Variants in KNTC1 observed in about 807,000 individuals in gnomAD.
KNTC1 encodes the protein kinetochore-associated protein 1.
In KNTC1, 253 loss-of-function variants were observed where a neutral mutation model predicts 314.4. The observed-to-expected ratio is 0.80, with a 90% CI of 0.73 to 0.89. KNTC1 has a LOEUF of 0.89. Ranked by LOEUF, KNTC1 falls within the 40% of genes least tolerant of loss-of-function variation. The probability of loss-of-function intolerance (pLI) is 0.00; values close to 1 mark genes in which losing one functional copy is unlikely to be tolerated. For synonymous variants in KNTC1, 901 were observed against 901.4 expected, an observed-to-expected ratio of 1.00 and a Z score of 0.01; for missense variants, 2,475 against 2,572.9, an observed-to-expected ratio of 0.96 and a Z score of 0.82.
Position 122,584,430 on chromosome 12 carries a change from C to G in KNTC1, c.3416C>G (p.Ala1139Gly). Residue 1139 changes from alanine (A) to glycine (G), a missense_variant, in exon 35 of 64, where the codon GCT becomes GGT. Transcript: ENST00000333479. ...ATGATACATGATCTAGCAAGCCAAG[C>G]TGCCACCATTTGCAGTCCAGGTGAC... is the stretch of plus-strand genomic sequence containing the variant. Reference protein sequence around the residue: ...PSMIHDLASQAATICSPDFLL... With the variant: ...PSMIHDLASQGATICSPDFLL... 3 of 1,609,216 alleles carry G rather than the reference C, an allele frequency of 1.9e-6. No homozygotes were observed. Among genetic ancestry groups the G allele is most frequent in the Non-Finnish European group, 2.5e-6 (3 of 1,177,222 alleles).
intron 26 of KNTC1, among the ~76,000 whole-genome samples, chr12:122,573,617 T>G (rs1208156964): frequency 6.6e-6 from 1 of 152,036 alleles, no homozygotes; most frequent in Non-Finnish European, 1.5e-5. Flanking sequence ...TTTTATATAT[T>G]TTAGGGAGAG....
intron 18 of KNTC1, among the ~76,000 whole-genome samples, chr12:122,559,158 C>T (rs890342789): frequency 1.3e-5 from 2 of 151,666 alleles, no homozygotes; most frequent in Admixed American, 6.6e-5. Flanking sequence ...ACCATTGTGA[C>T]GAACATGGTG....
chr12:122,541,952 T>C, intron 5 of KNTC1, 98 bp from the exon 6 acceptor site: 1 of 1,207,564 alleles, frequency 8.3e-7, no homozygotes, highest in Non-Finnish European at 1.1e-6. Flanking sequence ...GAGGCGGAGG[T>C]TGCAGGGAGC....
At chr12:122,614,796 G>C (rs535535972) in intron 55 of KNTC1, among the ~76,000 whole-genome samples, 195 bp from the exon 56 acceptor site, 16 of 151,792 alleles carry the variant, frequency 1.1e-4, no homozygotes, top group African/African-American at 3.9e-4. Flanking sequence ...CAGGAGAATC[G>C]CTTGAACCCA....
At chr12:122,598,197 A>T (rs1566002255) in intron 44 of KNTC1, among the ~76,000 whole-genome samples, 1 of 152,130 alleles carries the variant, frequency 6.6e-6, no homozygotes, top group African/African-American at 2.4e-5. Context: ...GAAATGTATA[A>T]ATCAAAACAA....
chr12:122,615,572 CT>C, intron 57 of KNTC1, 46 bp downstream of exon 57: 1 of 1,455,032 alleles, frequency 6.9e-7, no homozygotes, highest in East Asian at 2.5e-5. Context: ...AGTCTTTATA[CT>C]TTCTGGCCTT....
chr12:122,594,518 G>T, intron 43 of KNTC1, 133 bp downstream of exon 43: 1 of 605,204 alleles, frequency 1.7e-6, no homozygotes. Flanking sequence ...CCCAAACTGA[G>T]TAAATATGAA....
At chr12:122,615,627 A>T (rs935934819) in intron 57 of KNTC1, 101 bp downstream of exon 57, 6 of 1,164,586 alleles carry the variant, frequency 5.2e-6, no homozygotes, top group Non-Finnish European at 7.0e-6. Flanking sequence ...CTCCTTCTTA[A>T]ATAACAGAAC....
chr12:122,549,673 T>G, intron 12 of KNTC1, 93 bp from the exon 13 acceptor site: 1 of 695,002 alleles, frequency 1.4e-6, no homozygotes, highest in Non-Finnish European at 2.6e-6. Context: ...GCCGCTCCCA[T>G]GTGTTTTAAT....
At position 122,558,930 on chromosome 12, in the gene KNTC1, C is replaced by T. The variant is rs1225707584; in HGVS notation, c.1488+1241C>T. Among the ~76,000 whole-genome samples, 2 of 152,088 alleles carry T rather than the reference C, an allele frequency of 1.3e-5. 1 individual carries two copies. The highest frequency in any genetic ancestry group is 2.9e-5 in the Non-Finnish European group (2 of 68,006). On this transcript the variant is annotated intron_variant, in intron 18 of 63. Transcript: ENST00000333479. ...ATAGTCATTCCCCATTTGCCCCAGT[C>T]CCCCAGCTTCAGGAAACCACTAATT...
intron 46 of KNTC1, 43 bp downstream of exon 46, chr12:122,602,783 A>G (rs1234379809): frequency 1.9e-6 from 3 of 1,611,380 alleles, no homozygotes; most frequent in South Asian, 1.1e-5. Flanking sequence ...TGGATAGCCA[A>G]ATTTTTTTTC....
chr12:122,588,962 A>G (rs561834618), intron 40 of KNTC1, 146 bp downstream of exon 40: 6 of 448,976 alleles, frequency 1.3e-5, no homozygotes, highest in African/African-American at 8.1e-5. Context: ...TAGCTAATCA[A>G]TTATATTTTT....
chr12:122,541,408 G>A (rs189181794), intron 5 of KNTC1, among the ~76,000 whole-genome samples: 8 of 148,020 alleles, frequency 5.4e-5, no homozygotes, highest in African/African-American at 7.5e-5. Flanking sequence ...GAGCAATGAC[G>A]CAATTTCAGC....
chr12:122,561,835 T>A (rs931114365), intron 18 of KNTC1, 86 bp from the exon 19 acceptor site: 32 of 1,100,786 alleles, frequency 2.9e-5, no homozygotes, highest in African/African-American at 9.5e-5. Flanking sequence ...TTTAAAAAAA[T>A]TTTTTGTTAT....
chr12:122,590,705 T>G lies in KNTC1; in HGVS notation c.4098T>G (p.Asp1366Glu). 1.2e-6 allele frequency: 2 copies of G among 1,613,498 alleles called. No homozygotes were observed. The highest frequency in any genetic ancestry group is 1.7e-5 in the Admixed American group (1 of 59,982). The change falls in exon 41 of 64, where the codon GAT becomes GAG. Residue 1366 changes from aspartate to glutamate, a missense_variant. Coordinates refer to ENST00000333479, the MANE Select transcript of KNTC1 (RefSeq NM_014708.6). ...DVFENLWKLI[D>E]KAWQNYDKIL... Reference sequence around the variant, plus strand: ...TTGAAAATCTCTGGAAGCTCATAGATAAAGCATGGCAGAATTACGACAAAA... The same window carrying G: ...TTGAAAATCTCTGGAAGCTCATAGAGAAAGCATGGCAGAATTACGACAAAA...
chr12:122,531,834 C>T (rs1961356043), intron 2 of KNTC1, among the ~76,000 whole-genome samples: 5 of 150,768 alleles, frequency 3.3e-5, no homozygotes, highest in South Asian at 2.1e-4. Context: ...CCCAGGTTCA[C>T]GCCATTCTCC....
chr12:122,551,447 A>C lies in KNTC1; in HGVS notation c.1131-11A>C. ...AAAGACAAGCGCATTTATAGTTAAA[A>C]TTTTTTCTAGATTGTCTGAAGACTC... On this transcript the variant is annotated splice_polypyrimidine_tract_variant and intron_variant, in intron 14 of 63. Transcript: ENST00000333479. The C allele has an allele frequency of 6.4e-7, 1 of 1,573,498 alleles. No homozygotes were observed. Among genetic ancestry groups the C allele is most frequent in the Non-Finnish European group, 8.6e-7 (1 of 1,156,854 alleles).
chr12:122,537,360 A>G (rs1961924008), intron 3 of KNTC1, among the ~76,000 whole-genome samples: 1 of 152,028 alleles, frequency 6.6e-6, no homozygotes, highest in South Asian at 2.1e-4. Context: ...TTTTCCCCAG[A>G]ACATCTATCA....
intron 61 of KNTC1, 27 bp downstream of exon 61, chr12:122,621,997 G>A: frequency 6.7e-7 from 1 of 1,500,310 alleles, no homozygotes; most frequent in South Asian, 1.2e-5. Context: ...TCTCCTTTTT[G>A]CTATGAAAAT....
Sources: gnomAD v4.1 joint callset for allele counts (sites outside exome capture counted in the v4.1 genomes callset) on GRCh38, gnomAD v4.1.1 for gene constraint, MANE v1.5 for transcripts, NCBI Gene and HGNC (gene_info 2026-07-23, HGNC 2026-07-21) for gene names.